Variants in FAM13A observed in about 807,000 individuals in gnomAD.
FAM13A encodes protein FAM13A.
FAM13A carries 76 observed loss-of-function variants against 129.6 expected under a neutral mutation model. That is an observed-to-expected ratio of 0.59 (90% CI 0.49 to 0.71). FAM13A has a LOEUF of 0.71. FAM13A is among the 30% of genes least tolerant of loss of function. FAM13A has a pLI of 0.00. For synonymous variants in FAM13A, 443 were observed against 449.9 expected (o/e 0.98, Z 0.20); for missense variants, 1,108 against 1,249.3 (o/e 0.89, Z 1.70).
intron 10 of FAM13A, among the ~76,000 whole-genome samples, chr4:88,782,803 A>G (rs1303234408): frequency 6.6e-6 from 1 of 152,142 alleles, no homozygotes; most frequent in East Asian, 1.9e-4. Flanking sequence ...AAGCACTTAT[A>G]CTCATGCACA....
intron 3 of FAM13A, among the ~76,000 whole-genome samples, chr4:88,993,119 T>C (rs1287606172): frequency 6.6e-6 from 1 of 152,220 alleles, no homozygotes; most frequent in Non-Finnish European, 1.5e-5. Flanking sequence ...CTGGTTCTGC[T>C]ACCTACTACT....
chr4:88,796,120 G>A (rs1251167681), intron 8 of FAM13A, among the ~76,000 whole-genome samples: 4 of 151,614 alleles, frequency 2.6e-5, no homozygotes, highest in African/African-American at 9.7e-5. Context: ...TGAATGTGTG[G>A]CTGATTTATC....
intron 5 of FAM13A, among the ~76,000 whole-genome samples, chr4:88,930,237 G>A (rs956312242): frequency 6.6e-6 from 1 of 152,022 alleles, no homozygotes; most frequent in African/African-American, 2.4e-5. Flanking sequence ...TGTGTCCTCT[G>A]GTGGTGTCCT....
chr4:88,813,168 T>C (rs1730003979), intron 7 of FAM13A, among the ~76,000 whole-genome samples: 1 of 152,184 alleles, frequency 6.6e-6, no homozygotes. Flanking sequence ...TGTTTGAGTA[T>C]GGCCTTGCCA....
At chr4:88,961,799 T>C (rs956162922) in intron 4 of FAM13A, among the ~76,000 whole-genome samples, 1 of 152,218 alleles carries the variant, frequency 6.6e-6, no homozygotes, top group African/African-American at 2.4e-5. Flanking sequence ...AGTTTTGGGA[T>C]TCAGTTCATG....
chr4:89,047,421 T>G (rs1771007853), intron 1 of FAM13A, among the ~76,000 whole-genome samples: 1 of 152,130 alleles, frequency 6.6e-6, no homozygotes, highest in Non-Finnish European at 1.5e-5. Flanking sequence ...TAAACACAAG[T>G]CAAGACCTAT....
intron 22 of FAM13A, 61 bp from the exon 23 acceptor site, chr4:88,731,489 G>T: frequency 2.0e-6 from 2 of 993,500 alleles, no homozygotes; most frequent in Non-Finnish European, 3.1e-6. Flanking sequence ...TAAATGTGAT[G>T]AATGTGTAAC....
At position 88,851,199 on chromosome 4, in the gene FAM13A, AAG is replaced by A. The variant is rs1491040926; in HGVS notation, c.844-18_844-17del. The A allele has an allele frequency of 4.5e-6, 7 of 1,557,120 alleles. No homozygotes were observed. Among genetic ancestry groups the A allele is most frequent in the Middle Eastern group, 1.9e-4 (1 of 5,154 alleles). The stretch of plus-strand genomic sequence containing the variant: ...ATTTTGGGATCTAGAAGAAAAAAAA[AAG>A]AGGGGTGGGGGAGAGCTAGATAAAT... On this transcript the variant is annotated splice_polypyrimidine_tract_variant and intron_variant, in intron 6 of 23. Transcript: ENST00000264344.
intron 11 of FAM13A, among the ~76,000 whole-genome samples, chr4:88,779,154 G>A (rs1459727257): frequency 6.6e-6 from 1 of 152,104 alleles, no homozygotes; most frequent in Non-Finnish European, 1.5e-5. Flanking sequence ...CAGGAAGGCA[G>A]GAATTGTTAC....
chr4:88,822,347 C>A (rs1001926020), intron 7 of FAM13A, among the ~76,000 whole-genome samples: 2 of 144,492 alleles, frequency 1.4e-5, no homozygotes, highest in African/African-American at 5.9e-5. Context: ...AACTCCTTCG[C>A]CTCCCCCCAG....
intron 14 of FAM13A, among the ~76,000 whole-genome samples, chr4:88,751,210 C>G (rs1307423387): frequency 6.6e-6 from 1 of 152,138 alleles, no homozygotes; most frequent in Non-Finnish European, 1.5e-5. Context: ...CCACTGCACT[C>G]CAGCCTGGGC....
chr4:88,823,294 C>A, intron 7 of FAM13A: 1 of 1,205,984 alleles, frequency 8.3e-7, no homozygotes, highest in Non-Finnish European at 1.0e-6. Context: ...CCAATCAGAG[C>A]AGCAGCTGCT....
At chr4:88,958,453 A>C (rs970460498) in intron 4 of FAM13A, among the ~76,000 whole-genome samples, 2 of 152,200 alleles carry the variant, frequency 1.3e-5, no homozygotes, top group African/African-American at 2.4e-5. Flanking sequence ...AGCTCCAGCC[A>C]TAGCTCAAAG....
intron 7 of FAM13A, among the ~76,000 whole-genome samples, chr4:88,840,032 G>C (rs1735553696): frequency 6.6e-6 from 1 of 152,166 alleles, no homozygotes; most frequent in South Asian, 2.1e-4. Flanking sequence ...CTGAGATTTG[G>C]GTTCTCTAAA....
chr4:88,860,199 A>G (rs1415837127), intron 6 of FAM13A, among the ~76,000 whole-genome samples: 2 of 152,222 alleles, frequency 1.3e-5, no homozygotes, highest in Admixed American at 1.3e-4. Flanking sequence ...ATCAAACATG[A>G]AAACAGCTTT....
At chr4:88,923,582 C>T (rs528814761) in intron 5 of FAM13A, among the ~76,000 whole-genome samples, 3 of 152,050 alleles carry the variant, frequency 2.0e-5, no homozygotes, top group Non-Finnish European at 4.4e-5. Context: ...TATGACAAAC[C>T]CACAGCCAAT....
At chr4:88,782,058 TTAA>T (rs1723059134) in intron 10 of FAM13A, among the ~76,000 whole-genome samples, 2 of 151,898 alleles carry the variant, frequency 1.3e-5, no homozygotes, top group East Asian at 3.8e-4. Flanking sequence ...CATTGAATTA[TTAA>T]TAGATAATCT....
At chr4:88,773,645 T>A (rs1721124977) in intron 11 of FAM13A, among the ~76,000 whole-genome samples, 2 of 152,146 alleles carry the variant, frequency 1.3e-5, no homozygotes, top group Admixed American at 1.3e-4. Context: ...CCTTTCTTTT[T>A]ACCCTTTGTA....
intron 1 of FAM13A, among the ~76,000 whole-genome samples, chr4:89,045,185 G>C (rs926701755): frequency 2.6e-5 from 4 of 152,076 alleles, no homozygotes; most frequent in African/African-American, 9.7e-5. Flanking sequence ...CAGATAATAG[G>C]AGAATGTGAA....
Sources: gnomAD v4.1 joint callset for allele counts (sites outside exome capture counted in the v4.1 genomes callset) on GRCh38, gnomAD v4.1.1 for gene constraint, MANE v1.5 for transcripts, NCBI Gene and HGNC (gene_info 2026-07-23, HGNC 2026-07-21) for gene names.